Variants in OPRM1 observed in about 807,000 individuals in gnomAD.
OPRM1 encodes the protein mu-type opioid receptor.
OPRM1 carries 27 observed loss-of-function variants against 31.8 expected under a neutral mutation model. The observed-to-expected ratio is 0.85, with a 90% CI of 0.63 to 1.17. The LOEUF (loss-of-function observed/expected upper bound fraction) is 1.17, where lower values mean the gene tolerates loss of function less well. Among genes scored for constraint, OPRM1 ranks in the 50% most tolerant of loss-of-function variants. The pLI is 0.00. For synonymous variants in OPRM1, 196 were observed against 189.9 expected, an observed-to-expected ratio of 1.03 and a Z score of -0.26; for missense variants, 536 against 511.1, an observed-to-expected ratio of 1.05 and a Z score of -0.47.
chr6:154,097,822 T>C (rs1462576580), intron 3 of OPRM1, among the ~76,000 whole-genome samples: 1 of 152,216 alleles, frequency 6.6e-6, no homozygotes, highest in Non-Finnish European at 1.5e-5. Context: ...GACCATTTTG[T>C]GTCTGGGATG....
intron 3 of OPRM1, among the ~76,000 whole-genome samples, chr6:154,149,184 G>A (rs755920488): frequency 6.6e-6 from 1 of 152,124 alleles, no homozygotes; most frequent in Admixed American, 6.5e-5. Flanking sequence ...ACGTGGCTGG[G>A]GAGGCCTCAG....
chr6:154,153,684 C>CAAAA (rs35352448), intron 3 of OPRM1, among the ~76,000 whole-genome samples: 1 of 89,484 alleles, frequency 1.1e-5, no homozygotes, highest in African/African-American at 4.0e-5. Flanking sequence ...AACTCTATCT[C>CAAAA]AAAAAAAAAA....
At chr6:154,145,397 C>T (rs1474805703) in intron 3 of OPRM1, among the ~76,000 whole-genome samples, 1 of 152,226 alleles carries the variant, frequency 6.6e-6, no homozygotes, top group Non-Finnish European at 1.5e-5. Flanking sequence ...ATTAAATATA[C>T]AATGCCATTT....
intron 3 of OPRM1, among the ~76,000 whole-genome samples, chr6:154,140,445 C>T (rs557931531): frequency 6.6e-6 from 1 of 152,058 alleles, no homozygotes; most frequent in Non-Finnish European, 1.5e-5. Context: ...ATTCTCCTGC[C>T]TCAGCCTCCT....
chr6:154,094,102 G>A, intron 3 of OPRM1: 2 of 557,966 alleles, frequency 3.6e-6, no homozygotes, highest in Non-Finnish European at 6.0e-6. Context: ...AGTTTATATT[G>A]GTTGTGGATG....
intron 1 of OPRM1, among the ~76,000 whole-genome samples, chr6:154,082,571 G>A (rs941910737): frequency 6.6e-5 from 10 of 152,086 alleles, no homozygotes; most frequent in Middle Eastern, 3.4e-3. Context: ...TGTTCCTTCC[G>A]TATTAAAGAA....
chr6:154,076,058 CTTTATT>C (rs1396999433), intron 1 of OPRM1, among the ~76,000 whole-genome samples: 4 of 152,114 alleles, frequency 2.6e-5, no homozygotes, highest in Admixed American at 6.5e-5. Context: ...TAGGATTTTA[CTTTATT>C]TTTATGTTAT....
At chr6:154,019,146 A>T (rs1035365070) in intron 1 of OPRM1, among the ~76,000 whole-genome samples, 1 of 148,120 alleles carries the variant, frequency 6.8e-6, no homozygotes, top group Admixed American at 6.7e-5. Context: ...TAAAATGTAC[A>T]CTTAAATTAT....
chr6:154,187,385 T>C (rs1282867158), intron 3 of OPRM1, among the ~76,000 whole-genome samples: 1 of 152,230 alleles, frequency 6.6e-6, no homozygotes, highest in East Asian at 1.9e-4. Context: ...GTGTTAGCTC[T>C]GTAGGGCTGT....
At chr6:154,156,229 CT>C (rs1203118156) in intron 3 of OPRM1, 1 of 152,268 alleles carries the variant, frequency 6.6e-6, no homozygotes, top group Non-Finnish European at 1.5e-5. Context: ...TAGGAGGAGA[CT>C]GTGCTCAAGC....
chr6:154,164,610 G>A (rs78790008), intron 3 of OPRM1, among the ~76,000 whole-genome samples: 1 of 152,302 alleles, frequency 6.6e-6, no homozygotes, highest in African/African-American at 2.4e-5. Flanking sequence ...CCATGAAAGA[G>A]AGAATGCTGT....
In OPRM1 at chr6:154,168,354, G is replaced by T. The variant is rs558416523; in HGVS notation, c.1164+76882G>T. Among the ~76,000 whole-genome samples the T allele has an allele frequency of 6.6e-6, 1 of 152,210 alleles. No homozygotes were observed. The highest frequency in any genetic ancestry group is 2.1e-4 in the South Asian group (1 of 4,822). ...AGGAGTTATTCCAAGCCTCTCTCCT[G>T]GCTTCAAGTGGTTTTTTGGTTTGTG... On this transcript the variant is annotated intron_variant, in intron 3 of 3. Transcript: ENST00000337049. The surrounding 1 kb of genome is among the most constrained non-coding windows in gnomAD (Gnocchi z 4.1).
chr6:154,046,029 T>G (rs1289760703), intron 1 of OPRM1, among the ~76,000 whole-genome samples: 3 of 152,228 alleles, frequency 2.0e-5, no homozygotes, highest in Non-Finnish European at 2.9e-5. Flanking sequence ...ATGGTTCACC[T>G]TCACACAAGG....
At chr6:154,205,261 C>A (rs1048974500) in intron 3 of OPRM1, among the ~76,000 whole-genome samples, 1 of 152,058 alleles carries the variant, frequency 6.6e-6, no homozygotes, top group African/African-American at 2.4e-5. Flanking sequence ...CATCTAGTTC[C>A]ATTCAGCATC....
intron 1 of OPRM1, among the ~76,000 whole-genome samples, chr6:154,041,000 A>G (rs1779944472): frequency 6.6e-6 from 1 of 152,042 alleles, no homozygotes; most frequent in South Asian, 2.1e-4. Context: ...GTATGTGTAT[A>G]TAGGGAACAT....
chr6:154,214,254 C>T (rs769512135), intron 3 of OPRM1: 2 of 1,610,998 alleles, frequency 1.2e-6, no homozygotes, highest in Non-Finnish European at 1.7e-6. Flanking sequence ...TGGATTACAG[C>T]CGATCCAAGT....
chr6:154,067,961 A>G (rs1785809473), intron 1 of OPRM1, among the ~76,000 whole-genome samples: 1 of 152,112 alleles, frequency 6.6e-6, no homozygotes, highest in African/African-American at 2.4e-5. Context: ...AGCATTTATA[A>G]TTGTCAATGT....
At chr6:154,225,498 A>G (rs1779178748) in intron 3 of OPRM1, among the ~76,000 whole-genome samples, 1 of 152,252 alleles carries the variant, frequency 6.6e-6, no homozygotes, top group Admixed American at 6.5e-5. Flanking sequence ...ACAAAAGCTC[A>G]TCTCTCGTAT....
At chr6:154,244,615 T>C (rs1780884678) in intron 3 of OPRM1, among the ~76,000 whole-genome samples, 2 of 152,206 alleles carry the variant, frequency 1.3e-5, no homozygotes, top group Non-Finnish European at 2.9e-5. Context: ...CTGCTCCTTG[T>C]GGAAGCATGA....
Sources: gnomAD v4.1 joint callset for allele counts (sites outside exome capture counted in the v4.1 genomes callset) on GRCh38, gnomAD v4.1.1 for gene constraint, Gnocchi (gnomAD v3.1) non-coding constraint, MANE v1.5 for transcripts, NCBI Gene and HGNC (gene_info 2026-07-23, HGNC 2026-07-21) for gene names.